The following ADAMTS16 variants were observed in gnomAD, a reference collection of about 807,000 sequenced individuals.
The protein encoded by ADAMTS16 is A disintegrin and metalloproteinase with thrombospondin motifs 16.
In ADAMTS16, 94 loss-of-function variants were observed where a neutral mutation model predicts 145.8. The observed-to-expected ratio is 0.64, with a 90% CI of 0.55 to 0.77. The LOEUF (loss-of-function observed/expected upper bound fraction) is 0.77, where lower values mean the gene tolerates loss of function less well. Ranked by LOEUF, ADAMTS16 falls within the 30% of genes least tolerant of loss-of-function variation. ADAMTS16 has a pLI of 0.00. For synonymous variants in ADAMTS16, 659 were observed against 604.3 expected (o/e 1.09, Z -1.33); for missense variants, 1,585 against 1,591.5 (o/e 1.00, Z 0.07).
intron 11 of ADAMTS16, among the ~76,000 whole-genome samples, chr5:5,231,389 C>G (rs1384879057): frequency 6.6e-6 from 1 of 151,932 alleles, no homozygotes; most frequent in Non-Finnish European, 1.5e-5. Context: ...ACCCTAATAC[C>G]TCAACTAATA....
chr5:5,232,600 C>CT (rs748424956), intron 12 of ADAMTS16, 84 bp downstream of exon 12: 12,083 of 899,524 alleles, frequency 0.013, 32 homozygotes, highest in African/African-American at 0.04. Context: ...TGTCTCAGCT[C>CT]TTTTTTTTTT....
At chr5:5,229,037 G>A (rs1231656428) in intron 11 of ADAMTS16, among the ~76,000 whole-genome samples, 8 of 152,208 alleles carry the variant, frequency 5.3e-5, no homozygotes, top group Non-Finnish European at 8.8e-5. Context: ...GGTGGCTCAC[G>A]CCTGTAATCC....
chr5:5,187,049 G>A (rs1309908062), intron 5 of ADAMTS16, among the ~76,000 whole-genome samples: 1 of 152,208 alleles, frequency 6.6e-6, no homozygotes, highest in Non-Finnish European at 1.5e-5. Flanking sequence ...CAGTGAAATA[G>A]AGCCACCTTC....
At chr5:5,303,239 C>T (rs1268309075) in intron 18 of ADAMTS16, 29 bp from the exon 19 acceptor site, 1 of 1,512,068 alleles carries the variant, frequency 6.6e-7, no homozygotes, top group Admixed American at 2.2e-5. Flanking sequence ...GGAGCCATCC[C>T]TCACCGAGGT....
intron 3 of ADAMTS16, among the ~76,000 whole-genome samples, chr5:5,152,122 T>A (rs1277531928): frequency 6.6e-6 from 1 of 152,240 alleles, no homozygotes; most frequent in Non-Finnish European, 1.5e-5. Context: ...GACAATGCCC[T>A]TAGGCATGAA....
chr5:5,258,966 T>C (rs1401344551), intron 17 of ADAMTS16, among the ~76,000 whole-genome samples: 1 of 151,928 alleles, frequency 6.6e-6, no homozygotes, highest in Non-Finnish European at 1.5e-5. Flanking sequence ...CAGAACAGAG[T>C]GCTGCTCTCC....
chr5:5,162,636 G>A (rs983226702), intron 3 of ADAMTS16, among the ~76,000 whole-genome samples: 7 of 152,292 alleles, frequency 4.6e-5, no homozygotes, highest in African/African-American at 1.7e-4. Context: ...TTCCTACAGA[G>A]AATTCTGGAG....
At chr5:5,303,939 G>T in intron 20 of ADAMTS16, 173 bp downstream of exon 20, 1 of 736,726 alleles carries the variant, frequency 1.4e-6, no homozygotes, top group Non-Finnish European at 2.2e-6. Flanking sequence ...AATCTCCTTT[G>T]GCTTCTGAAT....
chr5:5,167,582 C>A (rs1734916236), intron 3 of ADAMTS16, among the ~76,000 whole-genome samples: 1 of 152,202 alleles, frequency 6.6e-6, no homozygotes, highest in Non-Finnish European at 1.5e-5. Context: ...TTAGCTGGGA[C>A]AGTTTTAGAA....
At chr5:5,225,237 C>T (rs1038687592) in intron 11 of ADAMTS16, among the ~76,000 whole-genome samples, 5 of 151,000 alleles carry the variant, frequency 3.3e-5, no homozygotes, top group Non-Finnish European at 7.4e-5. Context: ...TGGGAGGGGG[C>T]GGGACAAAAA....
At chr5:5,307,570 G>T (rs993158229) in intron 21 of ADAMTS16, among the ~76,000 whole-genome samples, 1 of 152,200 alleles carries the variant, frequency 6.6e-6, no homozygotes, top group African/African-American at 2.4e-5. Context: ...CCATCTCCAT[G>T]TGGGTCCCTA....
At chr5:5,246,889 C>T (rs553001399) in intron 17 of ADAMTS16, among the ~76,000 whole-genome samples, 1 of 152,168 alleles carries the variant, frequency 6.6e-6, no homozygotes, top group African/African-American at 2.4e-5. Context: ...TACCCATATG[C>T]CCATGTGTGA....
intron 3 of ADAMTS16, among the ~76,000 whole-genome samples, chr5:5,150,647 G>C (rs908660972): frequency 1.3e-5 from 2 of 152,238 alleles, no homozygotes; most frequent in Non-Finnish European, 2.9e-5. Context: ...AGTCCAGGTT[G>C]TTTCTGCCCT....
chr5:5,232,303 G>A, intron 11 of ADAMTS16, 65 bp from the exon 12 acceptor site: 3 of 1,590,672 alleles, frequency 1.9e-6, no homozygotes, highest in Non-Finnish European at 2.6e-6. Flanking sequence ...TTATAGCAGT[G>A]ATGAGATGAA....
chr5:5,236,150 A>ACTAATCAT (rs1203151693), intron 13 of ADAMTS16, among the ~76,000 whole-genome samples: 3 of 152,220 alleles, frequency 2.0e-5, no homozygotes, highest in Non-Finnish European at 4.4e-5. Flanking sequence ...GGAAGCACAC[A>ACTAATCAT]GTAATCATGG....
intron 2 of ADAMTS16, among the ~76,000 whole-genome samples, chr5:5,143,742 A>G (rs1734224589): frequency 1.3e-5 from 2 of 152,348 alleles, no homozygotes; most frequent in South Asian, 4.1e-4. Context: ...ATGCCCGTCA[A>G]TGAGAGACTG....
At chr5:5,211,359 G>T (rs1457339743) in intron 10 of ADAMTS16, among the ~76,000 whole-genome samples, 5 of 152,058 alleles carry the variant, frequency 3.3e-5, no homozygotes, top group Admixed American at 3.3e-4. Context: ...TCAATGAATG[G>T]TTATGAATTC....
chr5:5,303,537 C>T (rs1211499360), intron 19 of ADAMTS16, 35 bp from the exon 20 acceptor site: 1 of 1,609,402 alleles, frequency 6.2e-7, no homozygotes, highest in Admixed American at 1.7e-5. Flanking sequence ...TGCACATGGC[C>T]CTCACTGGGT....
chr5:5,314,594 A>G (rs1457921763), intron 21 of ADAMTS16, among the ~76,000 whole-genome samples: 1 of 152,246 alleles, frequency 6.6e-6, no homozygotes, highest in Non-Finnish European at 1.5e-5. Flanking sequence ...ATCTTTATCC[A>G]TTCAAAATAT....
Sources: allele counts gnomAD v4.1 joint callset (sites outside exome capture counted in the v4.1 genomes callset), GRCh38; gene constraint gnomAD v4.1.1; transcripts MANE v1.5; gene names NCBI Gene and HGNC (gene_info 2026-07-23, HGNC 2026-07-21).